SCHIP1: variants seen among roughly 807,000 people sequenced by gnomAD.
SCHIP1 encodes schwannomin-interacting protein 1.
A neutral mutation model predicts 29.7 loss-of-function variants in SCHIP1; 8 were observed. That is an observed-to-expected ratio of 0.27 (90% CI 0.16 to 0.49). SCHIP1 has a LOEUF of 0.49. SCHIP1 is among the 20% of genes least tolerant of loss of function. The pLI, the probability that SCHIP1 is intolerant of heterozygous loss-of-function variation, is 0.99. For missense variants in SCHIP1, 193 were observed against 294.6 expected (o/e 0.66, Z 2.52); for synonymous variants, 76 against 94.9 (o/e 0.80, Z 1.16).
At chr3:159,513,630 A>G in the SCHIP1 span, among the ~76,000 whole-genome samples, 1 of 152,182 alleles carries the variant, frequency 6.6e-6, no homozygotes, top group East Asian at 1.9e-4. Flanking sequence ...GTGTCAGGGA[A>G]AAAATCGGTG....
At chr3:159,685,677 C>T in the SCHIP1 span, among the ~76,000 whole-genome samples, 3 of 152,134 alleles carry the variant, frequency 2.0e-5, no homozygotes, top group African/African-American at 4.8e-5. Context: ...TTCTCAGTTT[C>T]CTTCTTCCTT....
At chr3:159,605,385 CCT>C in the SCHIP1 span, among the ~76,000 whole-genome samples, 1 of 152,244 alleles carries the variant, frequency 6.6e-6, no homozygotes, top group South Asian at 2.1e-4. Context: ...GTTTTGAACT[CCT>C]GAGTGAACTC....
the SCHIP1 span, among the ~76,000 whole-genome samples, chr3:159,319,416 A>G: frequency 6.6e-6 from 1 of 152,242 alleles, no homozygotes; most frequent in African/African-American, 2.4e-5. Context: ...TCATTATAAG[A>G]CAAATGACTA....
chr3:159,654,570 G>A, the SCHIP1 span, among the ~76,000 whole-genome samples: 4 of 151,952 alleles, frequency 2.6e-5, no homozygotes, highest in Admixed American at 2.6e-4. Flanking sequence ...GCCTGCATAT[G>A]TCTGGTGCCT....
the SCHIP1 span, among the ~76,000 whole-genome samples, chr3:159,696,682 T>C: frequency 2.4e-4 from 37 of 152,314 alleles, no homozygotes; most frequent in African/African-American, 8.4e-4. Context: ...GTAACAATGA[T>C]GGATCATAGG....
At chr3:159,820,247 G>A in the SCHIP1 span, among the ~76,000 whole-genome samples, 12 of 152,140 alleles carry the variant, frequency 7.9e-5, no homozygotes, top group Admixed American at 5.2e-4. Context: ...AAAGTGATTT[G>A]GGGGGTAAAG....
chr3:159,325,670 C>T, the SCHIP1 span, among the ~76,000 whole-genome samples: 6 of 152,090 alleles, frequency 3.9e-5, no homozygotes, highest in African/African-American at 1.4e-4. Flanking sequence ...CACCATCACC[C>T]CTTGAAAATT....
At chr3:159,789,444 T>G in the SCHIP1 span, among the ~76,000 whole-genome samples, 1 of 152,234 alleles carries the variant, frequency 6.6e-6, no homozygotes, top group South Asian at 2.1e-4. Flanking sequence ...CAAACAACTG[T>G]GCACCATGGC....
chr3:159,584,833 G>A, the SCHIP1 span, among the ~76,000 whole-genome samples: 3 of 151,866 alleles, frequency 2.0e-5, no homozygotes, highest in African/African-American at 7.3e-5. Flanking sequence ...GGCTTTCCTA[G>A]GTAGTTTGCT....
chr3:159,275,452 A>G, the SCHIP1 span, among the ~76,000 whole-genome samples: 1 of 152,156 alleles, frequency 6.6e-6, no homozygotes, highest in Non-Finnish European at 1.5e-5. Flanking sequence ...GACTCATGTC[A>G]TAAAACGCAT....
intron 1 of SCHIP1, chr3:159,852,937 T>C (rs79645597): frequency 6.4e-6 from 1 of 155,286 alleles, no homozygotes; most frequent in Non-Finnish European, 1.4e-5. Flanking sequence ...TACCCCTGGT[T>C]CAGATTGCTA....
the SCHIP1 span, among the ~76,000 whole-genome samples, chr3:159,766,355 G>A: frequency 6.6e-6 from 1 of 152,094 alleles, no homozygotes; most frequent in Non-Finnish European, 1.5e-5. Context: ...AGAGCCTGCT[G>A]GTTAGTTTCC....
the SCHIP1 span, among the ~76,000 whole-genome samples, chr3:159,634,188 A>G: frequency 6.6e-6 from 1 of 152,196 alleles, no homozygotes; most frequent in Non-Finnish European, 1.5e-5. Context: ...TAATATTAAG[A>G]TGCTAGTTAG....
the SCHIP1 span, among the ~76,000 whole-genome samples, chr3:159,740,768 A>AAAC: frequency 1.5e-5 from 2 of 132,380 alleles, no homozygotes; most frequent in South Asian, 5.1e-4. Flanking sequence ...ATTCAAAAAA[A>AAAC]AAGAAAAAAA....
At chr3:159,848,219 G>A (rs1470205978) in intron 1 of SCHIP1, among the ~76,000 whole-genome samples, 2 of 152,202 alleles carry the variant, frequency 1.3e-5, no homozygotes, top group African/African-American at 4.8e-5. Flanking sequence ...CAGGGAGTGG[G>A]AAGAGGCTTT....
the SCHIP1 span, among the ~76,000 whole-genome samples, chr3:159,700,982 A>G: frequency 6.6e-6 from 1 of 152,190 alleles, no homozygotes; most frequent in African/African-American, 2.4e-5. Context: ...TGGGCAAATT[A>G]ACCTCTATGA....
chr3:159,782,664 ACTCATT>A, the SCHIP1 span, among the ~76,000 whole-genome samples: 1 of 152,162 alleles, frequency 6.6e-6, no homozygotes, highest in Non-Finnish European at 1.5e-5. Flanking sequence ...TCAGTTAGAA[ACTCATT>A]CTATATATTG....
At chr3:159,443,171 T>C in the SCHIP1 span, among the ~76,000 whole-genome samples, 1 of 152,148 alleles carries the variant, frequency 6.6e-6, no homozygotes, top group Non-Finnish European at 1.5e-5. Context: ...CAGGCTGGGG[T>C]AGAAAGAAGA....
the SCHIP1 span, among the ~76,000 whole-genome samples, chr3:159,496,323 C>G: frequency 6.6e-6 from 1 of 152,136 alleles, no homozygotes; most frequent in Non-Finnish European, 1.5e-5. Flanking sequence ...AGGCAACCTA[C>G]GAAATGGGAG....
Sources: allele counts gnomAD v4.1 joint callset (sites outside exome capture counted in the v4.1 genomes callset), GRCh38; gene constraint gnomAD v4.1.1; transcripts MANE v1.5; gene names NCBI Gene and HGNC (gene_info 2026-07-23, HGNC 2026-07-21).